KIF26B: variants seen among roughly 807,000 people sequenced by gnomAD.
KIF26B encodes kinesin family member 26B.
KIF26B carries 63 observed loss-of-function variants against 151.2 expected under a neutral mutation model. That is an observed-to-expected ratio of 0.42 (90% CI 0.34 to 0.51). The LOEUF (loss-of-function observed/expected upper bound fraction) is 0.51. KIF26B is among the 20% of genes least tolerant of loss of function. The pLI is 0.07. For missense variants in KIF26B, 2,813 were observed against 2,913.6 expected, an observed-to-expected ratio of 0.97 and a Z score of 0.79; for synonymous variants, 1,357 against 1,262.1, an observed-to-expected ratio of 1.08 and a Z score of -1.59.
At chr1:245,362,503 G>A (rs778933467) in intron 2 of KIF26B, among the ~76,000 whole-genome samples, 51 of 150,010 alleles carry the variant, frequency 3.4e-4, no homozygotes, top group East Asian at 7.8e-4. Flanking sequence ...GCACCACTGC[G>A]CTCCAGTCTT....
chr1:245,688,013 A>G lies in KIF26B; in HGVS notation c.5030A>G (p.Tyr1677Cys), dbSNP rs1347585157. ...CTGGGCAGGGCGACAGTCAGCCACT[A>G]CGAATGCCTCTCCCTGGAGCGGGCC... Reference protein sequence around the residue: ...NSLGRATVSHYECLSLERAES... With the variant: ...NSLGRATVSHCECLSLERAES... The change falls in exon 12 of 15, where the codon TAC (tyrosine) becomes TGC (cysteine). Residue 1677 changes from tyrosine to cysteine, a missense_variant. Tyr to Cys is a radical substitution (Grantham distance 194, BLOSUM62 -2). Transcript: ENST00000407071. 2 of 1,563,270 alleles carry G rather than the reference A, an allele frequency of 1.3e-6. No homozygotes were observed. Among genetic ancestry groups the G allele is most frequent in the East Asian group, 2.4e-5 (1 of 41,684 alleles).
rs2044820002 is a variant in KIF26B, at chr1:245,704,831, T to G, written c.*2225T>G. The G allele has an allele frequency of 6.6e-6, 1 of 151,308 alleles. No individual in the cohort carries two copies. Among genetic ancestry groups the G allele is most frequent in the Non-Finnish European group, 1.5e-5 (1 of 67,958 alleles). 9.4% of individuals were successfully genotyped at this position (151,308 alleles called of 1,614,324 possible). ...TCCTTCGAGTTTGCCATTGGGCTGCTGGTTGCTGGTTTCAAACATATAGTT... is the reference window on the plus strand; with the variant it reads ...TCCTTCGAGTTTGCCATTGGGCTGCGGGTTGCTGGTTTCAAACATATAGTT... On this transcript the variant is annotated 3_prime_UTR_variant, in exon 15 of 15. Coordinates refer to ENST00000407071, the MANE Select transcript of KIF26B (RefSeq NM_018012.4).
intron 3 of KIF26B, among the ~76,000 whole-genome samples, chr1:245,372,739 T>C (rs1402192133): frequency 6.6e-6 from 1 of 152,202 alleles, no homozygotes; most frequent in Non-Finnish European, 1.5e-5. Context: ...ACTGTACACA[T>C]AACACACGGA....
intron 2 of KIF26B, among the ~76,000 whole-genome samples, chr1:245,162,375 CTTTTTTTTTTTT>C (rs138853411): frequency 2.6e-5 from 2 of 76,494 alleles, no homozygotes; most frequent in South Asian, 7.5e-4. Context: ...TCAGAAATAT[CTTTTTTTTTTTT>C]TTTTTTTTTT....
rs1337454072 is a variant in KIF26B at position 245,706,791 on chromosome 1, G to A, written c.*4185G>A. On this transcript the variant is annotated 3_prime_UTR_variant, in exon 15 of 15. Transcript: ENST00000407071. ...AGGACACTCTTCAATGCCACCACAC[G>A]GGAGTCTGGGCAGGGAGGAAAGGCA... 1.3e-5 allele frequency: 2 copies of A among 152,180 alleles called. No homozygotes were observed. Among genetic ancestry groups the A allele is most frequent in the East Asian group, 1.9e-4 (1 of 5,182 alleles). The allele number at this position is 152,180 out of a possible 1,614,324, so 9.4% of individuals were successfully genotyped here.
intron 2 of KIF26B, among the ~76,000 whole-genome samples, chr1:245,308,855 C>T (rs1043444994): frequency 1.2e-4 from 18 of 152,132 alleles, no homozygotes; most frequent in African/African-American, 3.9e-4. Context: ...AGATGAGGTC[C>T]GCATGTGGAA....
chr1:245,157,023 T>C (rs1324695243), intron 2 of KIF26B, among the ~76,000 whole-genome samples: 1 of 152,112 alleles, frequency 6.6e-6, no homozygotes, highest in Non-Finnish European at 1.5e-5. Flanking sequence ...TTTCGATGTT[T>C]CTCCCCACCC....
rs190418328 is a variant in KIF26B, at chr1:245,696,085, T to C, written c.5825-2021T>C. On this transcript the variant is annotated intron_variant, in intron 12 of 14. Coordinates refer to ENST00000407071, the MANE Select transcript of KIF26B (RefSeq NM_018012.4). ...CCAGGCTCCAAGATGGCCCCCATGG[T>C]CTCTGCCTCCTGGTGTTCACACCCT... Among the ~76,000 whole-genome samples the C allele has an allele frequency of 2.2e-4, 34 of 152,380 alleles. 1 individual carries two copies. The East Asian group carries it at 6.6e-3, about 29-fold the overall frequency.
rs1469137088 is a variant in KIF26B at position 245,184,047 on chromosome 1, G to GTTTT, written c.465+27366_465+27367insTTTT. On this transcript the variant is annotated intron_variant, in intron 2 of 14. Coordinates refer to ENST00000407071, the MANE Select transcript of KIF26B (RefSeq NM_018012.4). The stretch of plus-strand genomic sequence containing the variant: ...CCTGCAACAGGTATGGGTGGGAGTT[G>GTTTT]TTGTTTTTTTTTTTTTTTTTTTGAG... 1.5e-3 allele frequency among the ~76,000 whole-genome samples: 14 copies of GTTTT among 9,240 alleles called. 2 individuals carry two copies. The highest frequency in any genetic ancestry group is 5.6e-3 in the Admixed American group (3 of 532). The allele number at this position is 9,240 out of a possible 152,430, so 6.1% of individuals were successfully genotyped here.
chr1:245,623,149 A>G (rs2043684546), intron 9 of KIF26B, among the ~76,000 whole-genome samples: 1 of 148,678 alleles, frequency 6.7e-6, no homozygotes, highest in Non-Finnish European at 1.5e-5. Flanking sequence ...GTATATGCCT[A>G]TGAAACCGTC....
At chr1:245,421,800 TG>T (rs199945614) in intron 4 of KIF26B, among the ~76,000 whole-genome samples, 2,611 of 152,022 alleles carry the variant, frequency 0.017, 34 homozygotes, top group Non-Finnish European at 0.023. Flanking sequence ...TCTTTGGAGC[TG>T]GGGAAAGGAT....
At chr1:245,365,517 C>G (rs954350623) in intron 2 of KIF26B, among the ~76,000 whole-genome samples, 1 of 151,002 alleles carries the variant, frequency 6.6e-6, no homozygotes, top group African/African-American at 2.5e-5. Flanking sequence ...CACAACTCCC[C>G]CCCACCAGCC....
chr1:245,175,981 TATATAG>T (rs1197718594), intron 2 of KIF26B, among the ~76,000 whole-genome samples: 4 of 148,592 alleles, frequency 2.7e-5, no homozygotes, highest in East Asian at 3.9e-4. Context: ...GACATCTATA[TATATAG>T]ATATAGATAT....
At chr1:245,279,683 A>G (rs1474811258) in intron 2 of KIF26B, among the ~76,000 whole-genome samples, 1 of 151,878 alleles carries the variant, frequency 6.6e-6, no homozygotes, top group East Asian at 2.0e-4. Context: ...TGTATGAAGC[A>G]GCGGCCACAC....
chr1:245,207,769 C>G lies in KIF26B; in HGVS notation c.465+51086C>G, dbSNP rs141323006. ...CACCACCCACTTCCCACAGCTCCCCCCAAACACACGTACACATCGTTTTTC... is the reference window on the plus strand; with the variant it reads ...CACCACCCACTTCCCACAGCTCCCCGCAAACACACGTACACATCGTTTTTC... On this transcript the variant is annotated intron_variant, in intron 2 of 14. Transcript: ENST00000407071. 5.9e-5 allele frequency among the ~76,000 whole-genome samples: 9 copies of G among 152,286 alleles called. No individual in the cohort carries two copies. In the East Asian group the frequency reaches 1.2e-3, roughly 20 times the overall value.
intron 4 of KIF26B, among the ~76,000 whole-genome samples, chr1:245,423,798 C>G (rs920118423): frequency 1.3e-5 from 2 of 152,094 alleles, no homozygotes; most frequent in East Asian, 1.9e-4. Flanking sequence ...GTCCACTTTT[C>G]TCTGTGATAT....
chr1:245,651,770 G>A (rs1415953124), intron 10 of KIF26B, among the ~76,000 whole-genome samples: 1 of 152,192 alleles, frequency 6.6e-6, no homozygotes. Context: ...GATCTAGCCT[G>A]TGCGCTCCTT....
intron 2 of KIF26B, among the ~76,000 whole-genome samples, chr1:245,361,238 A>G (rs1432309289): frequency 4.6e-5 from 7 of 152,162 alleles, no homozygotes; most frequent in Non-Finnish European, 2.9e-5. Context: ...GCAGAACACG[A>G]TCGTTCAAAC....
At chr1:245,613,759 C>T (rs946564240) in intron 9 of KIF26B, among the ~76,000 whole-genome samples, 2 of 152,214 alleles carry the variant, frequency 1.3e-5, no homozygotes, top group Non-Finnish European at 2.9e-5. Flanking sequence ...CCTCCCTTCC[C>T]CCACCTCGGT....
Sources: allele counts gnomAD v4.1 joint callset (sites outside exome capture counted in the v4.1 genomes callset), GRCh38; gene constraint gnomAD v4.1.1; transcripts MANE v1.5; gene names NCBI Gene and HGNC (gene_info 2026-07-23, HGNC 2026-07-21).